Variants in ZFP1 observed in about 807,000 individuals in gnomAD.
ZFP1 encodes the protein ZFP1 zinc finger protein, also known as zinc finger protein 1 homolog.
In ZFP1, 32 loss-of-function variants were observed where a neutral mutation model predicts 38.5. The observed-to-expected ratio is 0.83, with a 90% CI of 0.63 to 1.12. The LOEUF is 1.12. ZFP1 is among the 50% of genes most tolerant of loss of function. ZFP1 has a pLI of 0.00. For synonymous variants in ZFP1, 245 were observed against 168.8 expected (o/e 1.45, Z -3.50); for missense variants, 616 against 480.8 (o/e 1.28, Z -2.63).
rs1316328948 is a variant in ZFP1 at position 75,171,759 on chromosome 16, A to C, written c.*1425A>C. 1.3e-5 allele frequency: 2 copies of C among 152,220 alleles called. No homozygotes were observed. Among genetic ancestry groups the C allele is most frequent in the Non-Finnish European group, 2.9e-5 (2 of 68,044 alleles). The allele number at this position is 152,220 out of a possible 1,614,324, so 9.4% of individuals were successfully genotyped here. On this transcript the variant is annotated 3_prime_UTR_variant, in exon 4 of 4. Transcript: ENST00000570010. ...ATATATTGAGTGACTTTCTGAACAA[A>C]TTTATCCAGAACATCCATAGCCCAA...
At chr16:75,164,008 G>A (rs2037926905) in intron 2 of ZFP1, among the ~76,000 whole-genome samples, 1 of 152,158 alleles carries the variant, frequency 6.6e-6, no homozygotes, top group Admixed American at 6.5e-5. Flanking sequence ...GGGTATCCAT[G>A]CTCTTTGTTT....
Position 75,161,545 on chromosome 16 carries a change from A to C in ZFP1, c.16-5225A>C, listed in dbSNP as rs569880523. Among the ~76,000 whole-genome samples, 5 of 151,030 alleles carry C rather than the reference A, an allele frequency of 3.3e-5. No homozygotes were observed. The East Asian group carries it at 7.8e-4, about 24-fold the overall frequency. On this transcript the variant is annotated intron_variant, in intron 2 of 3. Coordinates refer to ENST00000570010, the MANE Select transcript of ZFP1 (RefSeq NM_153688.4). ...GTTTTTATGGTTTGCCTGTCTGATA[A>C]TTTTGAAGATACTGCTTTCTGGTGT...
At chr16:75,169,149 T>C in intron 3 of ZFP1, 104 bp from the exon 4 acceptor site, 3 of 1,382,156 alleles carry the variant, frequency 2.2e-6, no homozygotes, top group East Asian at 2.4e-5. Context: ...GGTCCCAAAC[T>C]AAAGAGTCAG....
chr16:75,132,874 G>A, the ZFP1 span, among the ~76,000 whole-genome samples: 5 of 151,450 alleles, frequency 3.3e-5, no homozygotes, highest in South Asian at 1.0e-3. Flanking sequence ...TGGCCAGGCT[G>A]GTCTCAAACT....
At chr16:75,150,440 C>G (rs1567521538) in intron 1 of ZFP1, among the ~76,000 whole-genome samples, 2 of 151,722 alleles carry the variant, frequency 1.3e-5, no homozygotes, top group Non-Finnish European at 1.5e-5. Flanking sequence ...AGGATGGTCT[C>G]TATCTCCTGA....
chr16:75,142,806 A>T, the ZFP1 span, among the ~76,000 whole-genome samples: 2 of 152,086 alleles, frequency 1.3e-5, no homozygotes, highest in African/African-American at 4.8e-5. Flanking sequence ...GGGTCAAGTG[A>T]TTCTCCTGCC....
At chr16:75,159,949 TG>T (rs764049224) in intron 2 of ZFP1, among the ~76,000 whole-genome samples, 7 of 152,184 alleles carry the variant, frequency 4.6e-5, no homozygotes, top group Non-Finnish European at 8.8e-5. Flanking sequence ...GCATCTCAAC[TG>T]TTTGCCAGTA....
At chr16:75,162,155 C>T (rs1020339223) in intron 2 of ZFP1, among the ~76,000 whole-genome samples, 1 of 151,820 alleles carries the variant, frequency 6.6e-6, no homozygotes, top group Non-Finnish European at 1.5e-5. Context: ...CAGGGTCTCA[C>T]TTTGTCACCC....
intron 2 of ZFP1, among the ~76,000 whole-genome samples, chr16:75,158,385 C>G (rs1384914756): frequency 6.6e-6 from 1 of 150,904 alleles, no homozygotes; most frequent in Non-Finnish European, 1.5e-5. Flanking sequence ...ATCTCTCTTT[C>G]TCACCCAGGC....
intron 2 of ZFP1, 57 bp from the exon 3 acceptor site, chr16:75,166,713 A>G (rs1437976729): frequency 1.5e-5 from 24 of 1,612,932 alleles, no homozygotes; most frequent in Non-Finnish European, 1.7e-5. Context: ...GTTTTCATCT[A>G]TCCTTTCTAT....
chr16:75,136,368 G>A, the ZFP1 span, among the ~76,000 whole-genome samples: 2 of 152,172 alleles, frequency 1.3e-5, no homozygotes, highest in Non-Finnish European at 2.9e-5. Flanking sequence ...CTCGTCGACA[G>A]TCCTACTATG....
chr16:75,163,460 C>A (rs569564151), intron 2 of ZFP1, among the ~76,000 whole-genome samples: 2 of 151,932 alleles, frequency 1.3e-5, no homozygotes, highest in East Asian at 3.9e-4. Context: ...TACAGGTGCC[C>A]ACCACCATGC....
At chr16:75,151,804 G>A (rs1276300796) in intron 1 of ZFP1, among the ~76,000 whole-genome samples, 1 of 152,016 alleles carries the variant, frequency 6.6e-6, no homozygotes, top group Non-Finnish European at 1.5e-5. Flanking sequence ...TGTAGATTCA[G>A]GTTTTTGTCT....
the ZFP1 span, among the ~76,000 whole-genome samples, chr16:75,128,341 G>T: frequency 6.6e-6 from 1 of 152,272 alleles, no homozygotes; most frequent in East Asian, 1.9e-4. Flanking sequence ...TCCTTCTCTG[G>T]GACAACGTTC....
At chr16:75,154,054 T>TAA (rs1013566557) in intron 2 of ZFP1, among the ~76,000 whole-genome samples, 5 of 148,492 alleles carry the variant, frequency 3.4e-5, no homozygotes, top group South Asian at 2.1e-4. Flanking sequence ...CCGTCTCTAG[T>TAA]AAAAAAAAAA....
intron 2 of ZFP1, among the ~76,000 whole-genome samples, chr16:75,161,093 G>A (rs1417670612): frequency 6.6e-6 from 1 of 152,036 alleles, no homozygotes; most frequent in Non-Finnish European, 1.5e-5. Flanking sequence ...TCAAGATGGA[G>A]TCTTGCTCTT....
the ZFP1 span, among the ~76,000 whole-genome samples, chr16:75,128,934 G>A: frequency 6.6e-6 from 1 of 152,046 alleles, no homozygotes; most frequent in African/African-American, 2.4e-5. Context: ...GGGATTACAG[G>A]AGTGCACCAC....
chr16:75,128,845 C>T, the ZFP1 span, among the ~76,000 whole-genome samples: 6 of 152,210 alleles, frequency 3.9e-5, no homozygotes, highest in African/African-American at 1.2e-4. Context: ...GGCTGGAGTG[C>T]AATGGCACAA....
At chr16:75,119,454 G>T in the ZFP1 span, 1 of 151,902 alleles carries the variant, frequency 6.6e-6, no homozygotes, top group South Asian at 2.1e-4. Flanking sequence ...AATTTTTCCT[G>T]CTTCCATGTT....
Sources: allele counts gnomAD v4.1 joint callset (sites outside exome capture counted in the v4.1 genomes callset), GRCh38; gene constraint gnomAD v4.1.1; transcripts MANE v1.5; gene names NCBI Gene and HGNC (gene_info 2026-07-23, HGNC 2026-07-21).